RP1: variants seen among roughly 807,000 people sequenced by gnomAD.
RP1 encodes the protein RP1 axonemal microtubule associated.
A neutral mutation model predicts 14.8 loss-of-function variants in RP1; 16 were observed. The observed-to-expected ratio is 1.08, with a 90% CI of 0.73 to 1.65. The LOEUF (loss-of-function observed/expected upper bound fraction) is 1.65, where lower values mean the gene tolerates loss of function less well. Among genes scored for constraint, RP1 ranks in the 40% most tolerant of loss-of-function variants. The probability of loss-of-function intolerance (pLI) is 0.00; values close to 1 mark genes in which losing one functional copy is unlikely to be tolerated. For missense variants in RP1, 2,631 were observed against 2,535.0 expected, an observed-to-expected ratio of 1.04 and a Z score of -0.81; for synonymous variants, 876 against 883.6, an observed-to-expected ratio of 0.99 and a Z score of 0.15.
chr8:54,679,553 C>G, intron 10 of RP1: 1 of 1,535,748 alleles, frequency 6.5e-7, no homozygotes, highest in Non-Finnish European at 8.7e-7. Context: ...CTGGAGAAAG[C>G]ATGACACTTC....
intron 15 of RP1, chr8:54,720,082 T>C (rs1299689825): frequency 1.1e-5 from 15 of 1,367,660 alleles, no homozygotes; most frequent in Non-Finnish European, 1.5e-5. Context: ...AAATTCTGTC[T>C]TTTAGGACTT....
In RP1 at chr8:54,806,131, G is replaced by A. The variant is rs1411834789; in HGVS notation, c.3615+22421G>A. 5.3e-5 allele frequency among the ~76,000 whole-genome samples: 8 copies of A among 152,114 alleles called. No individual in the cohort carries two copies. The East Asian group carries it at 1.5e-3, about 29-fold the overall frequency. Reference sequence around the variant, plus strand: ...CCTCCCGGATTCAAGGGATGCTCCTGCCTCAGCCTCCTGAGTAGCTGAGAT... The same window carrying A: ...CCTCCCGGATTCAAGGGATGCTCCTACCTCAGCCTCCTGAGTAGCTGAGAT... On this transcript the variant is annotated intron_variant, in intron 24 of 28. Coordinates refer to the RP1 transcript ENST00000637698.
At position 54,628,081 on chromosome 8, in the gene RP1, G is replaced by C. The variant is rs749159890; in HGVS notation, c.4199G>C (p.Gly1400Ala). 1 of 1,613,868 alleles carries C rather than the reference G, an allele frequency of 6.2e-7. No individual in the cohort carries two copies. The highest frequency in any genetic ancestry group is 1.3e-5 in the African/African-American group (1 of 74,906). Residue 1400 changes from glycine to alanine, a missense_variant, in exon 4 of 4, where the codon GGC (glycine) becomes GCC (alanine). Physicochemically the swap from Gly to Ala is moderately conservative, Grantham distance 60. Transcript: ENST00000220676. ...HQNVSNLSSC[G>A]LCLSEKEAEL... ...AATGTCAGTAATTTAAGCTCCTGTG[G>C]CCTTTGCCTAAGTGAAAAAGAAGCA...
intron 19 of RP1, among the ~76,000 whole-genome samples, chr8:54,746,392 GC>G (rs541005013): frequency 4.2e-4 from 64 of 152,078 alleles, no homozygotes; most frequent in Non-Finnish European, 7.5e-4. Flanking sequence ...TACTTTAGAG[GC>G]CTTTGTGAAG....
intron 21 of RP1, among the ~76,000 whole-genome samples, chr8:54,756,021 GA>G (rs1395823408): frequency 2.0e-5 from 3 of 151,932 alleles, no homozygotes; most frequent in African/African-American, 7.3e-5. Context: ...ATCATGTGAG[GA>G]AAAGAAAAAA....
chr8:54,603,250 A>C (rs923871174), intron 1 of RP1, among the ~76,000 whole-genome samples: 11 of 151,924 alleles, frequency 7.2e-5, no homozygotes, highest in Non-Finnish European at 1.3e-4. Flanking sequence ...TCAGCTTTCT[A>C]CATATGGCTA....
At position 54,670,701 on chromosome 8, in the gene RP1, AT is replaced by A. The variant is rs1437176017; in HGVS notation, c.1324-3148del. On this transcript the variant is annotated intron_variant, in intron 7 of 22. Transcript: ENST00000636932. ...TATATATATATATATATATATATAT[AT>A]ATATAAAACATTAAGTCCTGGTGAA... 2.7e-3 allele frequency among the ~76,000 whole-genome samples: 370 copies of A among 137,982 alleles called. 23 individuals are homozygous for A. The highest frequency in any genetic ancestry group is 4.1e-3 in the African/African-American group (149 of 36,666). The allele number at this position is 137,982 out of a possible 152,430, so 90.5% of individuals were successfully genotyped here.
chr8:54,850,331 G>A (rs182263982), intron 25 of RP1, among the ~76,000 whole-genome samples: 74 of 152,144 alleles, frequency 4.9e-4, no homozygotes, highest in African/African-American at 1.5e-3. Context: ...ATCTATCCTC[G>A]TATTTTTTCA....
intron 18 of RP1, chr8:54,738,850 C>A: frequency 1.4e-6 from 1 of 711,810 alleles, no homozygotes; most frequent in South Asian, 2.9e-5. Context: ...CTATTAGGAA[C>A]AAAAAATGCA....
intron 25 of RP1, among the ~76,000 whole-genome samples, chr8:54,847,584 A>G (rs1200618275): frequency 2.6e-5 from 4 of 152,240 alleles, no homozygotes; most frequent in South Asian, 4.1e-4. Flanking sequence ...AGACGAGGCC[A>G]TCCAGGCCAT....
chr8:54,714,905 CA>C (rs910054316), intron 15 of RP1, among the ~76,000 whole-genome samples: 4 of 152,228 alleles, frequency 2.6e-5, no homozygotes, highest in Admixed American at 6.5e-5. Context: ...TTTCCCCTAT[CA>C]GGGGCAAATA....
chr8:54,721,304 G>A (rs909893114), intron 16 of RP1, among the ~76,000 whole-genome samples: 1 of 152,208 alleles, frequency 6.6e-6, no homozygotes, highest in Non-Finnish European at 1.5e-5. Context: ...TCACAGAGTG[G>A]CATTCTGCCT....
intron 19 of RP1, among the ~76,000 whole-genome samples, chr8:54,744,680 CCA>C (rs1469646935): frequency 6.6e-6 from 1 of 152,138 alleles, no homozygotes; most frequent in African/African-American, 2.4e-5. Context: ...TAATTAAACT[CCA>C]GTCATTATTT....
At chr8:54,654,579 A>G (rs1000066443) in intron 5 of RP1, among the ~76,000 whole-genome samples, 1 of 152,192 alleles carries the variant, frequency 6.6e-6, no homozygotes, top group Non-Finnish European at 1.5e-5. Flanking sequence ...CTTAACATGC[A>G]TTTATAAATG....
intron 12 of RP1, among the ~76,000 whole-genome samples, chr8:54,689,074 A>G (rs1478139649): frequency 6.6e-6 from 1 of 152,086 alleles, no homozygotes; most frequent in Non-Finnish European, 1.5e-5. Context: ...CTTTGTAGCA[A>G]TCGTGAATGG....
At chr8:54,618,013 C>T (rs1428891565) in intron 1 of RP1, among the ~76,000 whole-genome samples, 2 of 152,232 alleles carry the variant, frequency 1.3e-5, no homozygotes, top group Non-Finnish European at 2.9e-5. Context: ...TCTCAACACT[C>T]TACCTAAAAG....
intron 12 of RP1, among the ~76,000 whole-genome samples, chr8:54,699,288 C>T (rs1290740026): frequency 6.6e-6 from 1 of 151,902 alleles, no homozygotes. Context: ...GAGAAAAGTG[C>T]ATACATTATA....
intron 26 of RP1, chr8:54,856,886 TG>T (rs530645106): frequency 6.0e-5 from 20 of 334,670 alleles, no homozygotes; most frequent in Non-Finnish European, 9.1e-5. Flanking sequence ...TGTAGAACTT[TG>T]CACATAAAAT....
intron 25 of RP1, among the ~76,000 whole-genome samples, chr8:54,839,429 A>T (rs1024867639): frequency 2.0e-5 from 3 of 152,226 alleles, no homozygotes; most frequent in Non-Finnish European, 4.4e-5. Context: ...AATGAGCACC[A>T]GAGGAAATCC....
Sources: gnomAD v4.1 joint callset for allele counts (sites outside exome capture counted in the v4.1 genomes callset) on GRCh38, gnomAD v4.1.1 for gene constraint, MANE v1.5 for transcripts, NCBI Gene and HGNC (gene_info 2026-07-23, HGNC 2026-07-21) for gene names.